TAFA1: variants seen among roughly 807,000 people sequenced by gnomAD.
TAFA1 encodes chemokine-like protein TAFA-1.
TAFA1 carries 4 observed loss-of-function variants against 18.5 expected under a neutral mutation model. That is an observed-to-expected ratio of 0.22 (90% CI 0.11 to 0.49). TAFA1 has a LOEUF of 0.49. Among genes scored for constraint, TAFA1 ranks in the 20% least tolerant of loss-of-function variants. The probability of loss-of-function intolerance (pLI) is 0.98; values close to 1 mark genes in which losing one functional copy is unlikely to be tolerated. For missense variants in TAFA1, 147 were observed against 169.0 expected (o/e 0.87, Z 0.72); for synonymous variants, 56 against 55.2 (o/e 1.01, Z -0.06).
At chr3:68,414,149 A>C (rs575720383) in intron 2 of TAFA1, among the ~76,000 whole-genome samples, 2 of 152,254 alleles carry the variant, frequency 1.3e-5, no homozygotes, top group East Asian at 3.9e-4. Flanking sequence ...TACTAACAAT[A>C]CAAAAAAATT....
intron 2 of TAFA1, among the ~76,000 whole-genome samples, chr3:68,046,038 C>A (rs1453411887): frequency 6.6e-6 from 1 of 152,142 alleles, no homozygotes; most frequent in South Asian, 2.1e-4. Context: ...AATAGGTTTA[C>A]AGCTCCTCTT....
At chr3:68,385,908 A>G (rs1466977501) in intron 2 of TAFA1, among the ~76,000 whole-genome samples, 1 of 152,088 alleles carries the variant, frequency 6.6e-6, no homozygotes, top group Admixed American at 6.6e-5. Context: ...CATCTTGAAC[A>G]TTGATTATTT....
At chr3:68,029,339 G>A (rs1208796777) in intron 2 of TAFA1, among the ~76,000 whole-genome samples, 3 of 152,112 alleles carry the variant, frequency 2.0e-5, no homozygotes, top group African/African-American at 7.2e-5. Context: ...GAAATCTGGT[G>A]TGTGTTTAAC....
At chr3:67,998,333 A>G in the TAFA1 span, among the ~76,000 whole-genome samples, 2 of 152,176 alleles carry the variant, frequency 1.3e-5, no homozygotes, top group Non-Finnish European at 2.9e-5. Context: ...GCCTTAGTCA[A>G]CATTATAATT....
chr3:68,446,382 T>A (rs537691390), intron 3 of TAFA1, among the ~76,000 whole-genome samples: 73 of 152,220 alleles, frequency 4.8e-4, no homozygotes, highest in African/African-American at 1.8e-3. Flanking sequence ...GATCCCTAGA[T>A]AAAGAATAGG....
At chr3:68,352,662 G>T (rs1024023302) in intron 2 of TAFA1, among the ~76,000 whole-genome samples, 2 of 152,058 alleles carry the variant, frequency 1.3e-5, no homozygotes, top group African/African-American at 4.8e-5. Flanking sequence ...ATGTCAGAGA[G>T]ACCTATTTGG....
rs572856383 is a variant in TAFA1, at chr3:68,397,394, G to T, written c.119-19886G>T. Reference sequence around the variant, plus strand: ...TCCTCACTGTTCAACTTCCATTTATGAGTGAGAACATGTGGTGTTTGGTTT... The same window carrying T: ...TCCTCACTGTTCAACTTCCATTTATTAGTGAGAACATGTGGTGTTTGGTTT... On this transcript the variant is annotated intron_variant, in intron 2 of 4. Coordinates refer to ENST00000478136, the MANE Select transcript of TAFA1 (RefSeq NM_213609.4). 2.0e-5 allele frequency among the ~76,000 whole-genome samples: 3 copies of T among 152,144 alleles called. No individual in the cohort carries two copies. In the South Asian group the frequency reaches 6.2e-4, roughly 32 times the overall value.
At chr3:68,376,620 G>A (rs1230243222) in intron 2 of TAFA1, among the ~76,000 whole-genome samples, 2 of 152,006 alleles carry the variant, frequency 1.3e-5, no homozygotes, top group Non-Finnish European at 2.9e-5. Context: ...TATTCCATGG[G>A]GTATATGTAC....
chr3:68,276,345 T>C (rs920411795), intron 2 of TAFA1, among the ~76,000 whole-genome samples: 4 of 152,194 alleles, frequency 2.6e-5, no homozygotes, highest in African/African-American at 9.6e-5. Context: ...CGTTAGTCGC[T>C]ACTCAATAGT....
At chr3:68,331,538 G>T (rs186414172) in intron 2 of TAFA1, among the ~76,000 whole-genome samples, 1 of 152,148 alleles carries the variant, frequency 6.6e-6, no homozygotes, top group African/African-American at 2.4e-5. Context: ...TGGTTACTAG[G>T]ACTCTACCAT....
intron 2 of TAFA1, among the ~76,000 whole-genome samples, chr3:68,109,678 ATTG>A (rs565153738): frequency 1.6e-4 from 25 of 151,976 alleles, no homozygotes; most frequent in East Asian, 1.2e-3. Context: ...TACTAAGAAA[ATTG>A]TTGTTGTTGT....
chr3:68,344,421 C>T (rs79958982), intron 2 of TAFA1, among the ~76,000 whole-genome samples: 1 of 152,324 alleles, frequency 6.6e-6, no homozygotes, highest in Non-Finnish European at 1.5e-5. Flanking sequence ...CCCAAGTCTA[C>T]ATGGCTCTAA....
chr3:68,224,929 G>A (rs1367339938), intron 2 of TAFA1, among the ~76,000 whole-genome samples: 1 of 88,874 alleles, frequency 1.1e-5, no homozygotes, highest in African/African-American at 4.6e-5. Flanking sequence ...TTTTTTTTGA[G>A]ATGGAGTCTC....
At chr3:68,259,120 G>C (rs1329990521) in intron 2 of TAFA1, among the ~76,000 whole-genome samples, 2 of 152,158 alleles carry the variant, frequency 1.3e-5, no homozygotes, top group African/African-American at 4.8e-5. Context: ...ATTTCCAAAA[G>C]CTCCCAGGTG....
chr3:68,027,273 T>A (rs375430196), intron 2 of TAFA1, among the ~76,000 whole-genome samples: 1 of 151,992 alleles, frequency 6.6e-6, no homozygotes, highest in Non-Finnish European at 1.5e-5. Flanking sequence ...TACTGGAGAG[T>A]TGAAATTAGA....
chr3:68,477,424 G>C (rs796322975), intron 3 of TAFA1, among the ~76,000 whole-genome samples: 5 of 152,248 alleles, frequency 3.3e-5, no homozygotes, highest in African/African-American at 1.2e-4. Flanking sequence ...GCCCAGGCTG[G>C]AGTGCAGTGG....
chr3:68,235,894 A>G (rs1418860757), intron 2 of TAFA1, among the ~76,000 whole-genome samples: 2 of 152,152 alleles, frequency 1.3e-5, no homozygotes, highest in African/African-American at 4.8e-5. Context: ...GAAAGATGAA[A>G]TCTTCCTCAC....
intron 2 of TAFA1, among the ~76,000 whole-genome samples, chr3:68,021,515 C>T (rs1575577762): frequency 6.6e-6 from 1 of 152,202 alleles, no homozygotes; most frequent in East Asian, 1.9e-4. Context: ...AGGAAGAAAT[C>T]CAGGCATATT....
At chr3:68,291,637 G>A (rs2068110995) in intron 2 of TAFA1, among the ~76,000 whole-genome samples, 2 of 151,524 alleles carry the variant, frequency 1.3e-5, no homozygotes, top group African/African-American at 4.9e-5. Context: ...GCCAAAAAAC[G>A]ATCCACACGT....
Sources: gnomAD v4.1 joint callset for allele counts (sites outside exome capture counted in the v4.1 genomes callset) on GRCh38, gnomAD v4.1.1 for gene constraint, MANE v1.5 for transcripts, NCBI Gene and HGNC (gene_info 2026-07-23, HGNC 2026-07-21) for gene names.